Variants in TDRD3 observed in about 807,000 individuals in gnomAD.
TDRD3 encodes tudor domain containing 3, also known as tudor domain-containing protein 3.
Under a neutral mutation model 86.7 loss-of-function variants are expected in TDRD3, and 45 were observed. The ratio of observed to expected loss-of-function variants is 0.52; its 90% confidence interval spans 0.41 to 0.67. TDRD3 has a LOEUF of 0.67. Ranked by LOEUF, TDRD3 falls within the 30% of genes least tolerant of loss-of-function variation. TDRD3 has a pLI of 0.00. For missense variants in TDRD3, 814 were observed against 889.0 expected, an observed-to-expected ratio of 0.92 and a Z score of 1.07; for synonymous variants, 298 against 301.7, an observed-to-expected ratio of 0.99 and a Z score of 0.13.
At chr13:60,526,582 G>T (rs749251150) in intron 10 of TDRD3, among the ~76,000 whole-genome samples, 2 of 142,162 alleles carry the variant, frequency 1.4e-5, no homozygotes, top group Admixed American at 7.0e-5. Flanking sequence ...AAGACATTGT[G>T]TTATGTTTAT....
intron 2 of TDRD3, among the ~76,000 whole-genome samples, chr13:60,444,437 G>A (rs1350908769): frequency 1.3e-5 from 2 of 151,768 alleles, no homozygotes; most frequent in Admixed American, 6.6e-5. Context: ...AAATAAAAAG[G>A]TTACCTAAAG....
intron 12 of TDRD3, among the ~76,000 whole-genome samples, chr13:60,553,553 T>TAA (rs201762964): frequency 2.4e-5 from 3 of 124,976 alleles, no homozygotes; most frequent in African/African-American, 5.8e-5. Context: ...TTTTTTTAAA[T>TAA]AAAAAAAAAA....
At chr13:60,549,069 G>A (rs1957991245) in intron 12 of TDRD3, among the ~76,000 whole-genome samples, 1 of 152,104 alleles carries the variant, frequency 6.6e-6, no homozygotes, top group South Asian at 2.1e-4. Flanking sequence ...TACAAAGGCT[G>A]TATGAGGAAT....
At chr13:60,424,273 G>A (rs563848669) in intron 1 of TDRD3, among the ~76,000 whole-genome samples, 3 of 124,490 alleles carry the variant, frequency 2.4e-5, no homozygotes, top group East Asian at 2.1e-4. Context: ...CACCCACCTC[G>A]GCCTCCCAAA....
At chr13:60,569,203 A>G (rs1958530017) in intron 13 of TDRD3, among the ~76,000 whole-genome samples, 1 of 152,162 alleles carries the variant, frequency 6.6e-6, no homozygotes, top group East Asian at 1.9e-4. Context: ...TCCTGAGCTC[A>G]AGCAATCTGC....
At chr13:60,398,494 A>G (rs146132339) in intron 1 of TDRD3, among the ~76,000 whole-genome samples, 7 of 152,334 alleles carry the variant, frequency 4.6e-5, no homozygotes, top group Admixed American at 2.0e-4. Context: ...CACAAGATCT[A>G]TATGGTTCGT....
chr13:60,566,980 C>T (rs145458233), intron 12 of TDRD3, among the ~76,000 whole-genome samples: 13 of 152,248 alleles, frequency 8.5e-5, no homozygotes, highest in African/African-American at 3.1e-4. Context: ...CTATTCCAAA[C>T]CATTATTTTT....
At chr13:60,490,972 C>A (rs1293552716) in intron 7 of TDRD3, among the ~76,000 whole-genome samples, 1 of 152,028 alleles carries the variant, frequency 6.6e-6, no homozygotes, top group African/African-American at 2.4e-5. Context: ...ACAAAATTAG[C>A]TGGGCGTGGT....
At chr13:60,435,078 A>T (rs540198880) in intron 1 of TDRD3, among the ~76,000 whole-genome samples, 1 of 152,318 alleles carries the variant, frequency 6.6e-6, no homozygotes, top group East Asian at 1.9e-4. Context: ...ATTAATTTGT[A>T]AATCCCAAAT....
chr13:60,447,043 C>T (rs1594943628), intron 3 of TDRD3, among the ~76,000 whole-genome samples: 1 of 152,292 alleles, frequency 6.6e-6, no homozygotes, highest in African/African-American at 2.4e-5. Flanking sequence ...TATCTCTTGA[C>T]CATGCCAGAT....
chr13:60,481,239 T>C, intron 5 of TDRD3, among the ~76,000 whole-genome samples: 1 of 152,176 alleles, frequency 6.6e-6, no homozygotes. Context: ...TTTATCCTGT[T>C]TGGTTTTCAG....
chr13:60,424,567 C>G (rs1480347207), intron 1 of TDRD3, among the ~76,000 whole-genome samples: 1 of 152,056 alleles, frequency 6.6e-6, no homozygotes, highest in Non-Finnish European at 1.5e-5. Flanking sequence ...GTCCCAGCTA[C>G]TCCGAAGGCT....
chr13:60,448,455 CTCT>C (rs1166656059), intron 3 of TDRD3, among the ~76,000 whole-genome samples: 1 of 152,132 alleles, frequency 6.6e-6, no homozygotes, highest in African/African-American at 2.4e-5. Flanking sequence ...TTCTTCCATT[CTCT>C]TCTTAACATA....
intron 1 of TDRD3, among the ~76,000 whole-genome samples, chr13:60,427,449 T>C (rs1394127941): frequency 1.3e-5 from 2 of 152,196 alleles, no homozygotes; most frequent in Non-Finnish European, 2.9e-5. Context: ...TCGTTTCTAA[T>C]GCAGCAGCTC....
intron 5 of TDRD3, among the ~76,000 whole-genome samples, chr13:60,472,128 A>G (rs1436694168): frequency 6.6e-6 from 1 of 152,136 alleles, no homozygotes; most frequent in Non-Finnish European, 1.5e-5. Flanking sequence ...TGAGATGATC[A>G]TGTGTTTTTC....
intron 1 of TDRD3, among the ~76,000 whole-genome samples, chr13:60,405,296 T>C (rs1954208297): frequency 6.6e-6 from 1 of 152,126 alleles, no homozygotes; most frequent in Admixed American, 6.5e-5. Context: ...AACAGCATAT[T>C]GTGGCAGGCA....
At chr13:60,476,934 G>A (rs550859987) in intron 5 of TDRD3, among the ~76,000 whole-genome samples, 5 of 151,948 alleles carry the variant, frequency 3.3e-5, no homozygotes, top group South Asian at 2.1e-4. Flanking sequence ...TTTGTTTATC[G>A]GCTCTAGAAG....
chr13:60,541,878 C>T (rs1470720620), intron 12 of TDRD3, among the ~76,000 whole-genome samples: 1 of 151,800 alleles, frequency 6.6e-6, no homozygotes, highest in African/African-American at 2.4e-5. Flanking sequence ...CAGGCATGGG[C>T]CACCATGCCC....
intron 3 of TDRD3, among the ~76,000 whole-genome samples, chr13:60,455,971 G>A (rs1955659876): frequency 6.6e-6 from 1 of 151,220 alleles, no homozygotes; most frequent in South Asian, 2.1e-4. Context: ...TAGGGAGGCT[G>A]AGGAAGGAGA....
Sources: gnomAD v4.1 joint callset for allele counts (sites outside exome capture counted in the v4.1 genomes callset) on GRCh38, gnomAD v4.1.1 for gene constraint, MANE v1.5 for transcripts, NCBI Gene and HGNC (gene_info 2026-07-23, HGNC 2026-07-21) for gene names.